Variants in SLC35F4 observed in about 807,000 individuals in gnomAD.
SLC35F4 encodes the protein chromosome 14 open reading frame 36.
SLC35F4 carries 24 observed loss-of-function variants against 44.2 expected under a neutral mutation model. The observed-to-expected ratio is 0.54, with a 90% confidence interval of 0.39 to 0.76. The LOEUF (loss-of-function observed/expected upper bound fraction) is 0.76, where lower values mean the gene tolerates loss of function less well. Ranked by LOEUF, SLC35F4 falls within the 30% of genes least tolerant of loss-of-function variation. The pLI is 0.00. For synonymous variants in SLC35F4, 238 were observed against 223.6 expected (o/e 1.06, Z -0.57); for missense variants, 562 against 586.1 (o/e 0.96, Z 0.42).
chr14:57,811,772 A>C (rs1412946165), intron 1 of SLC35F4, among the ~76,000 whole-genome samples: 5 of 152,188 alleles, frequency 3.3e-5, no homozygotes. Flanking sequence ...TTTAAATAAT[A>C]AGTTTGAGAC....
At chr14:57,770,889 A>G (rs2077348017) in intron 1 of SLC35F4, among the ~76,000 whole-genome samples, 1 of 152,170 alleles carries the variant, frequency 6.6e-6, no homozygotes, top group South Asian at 2.1e-4. Context: ...CCAAAACCCT[A>G]TTTGGTCCTG....
intron 1 of SLC35F4, among the ~76,000 whole-genome samples, chr14:57,598,921 G>T (rs2070652385): frequency 6.6e-6 from 1 of 152,084 alleles, no homozygotes; most frequent in South Asian, 2.1e-4. Flanking sequence ...GTGTATAGAA[G>T]GGGTAGTTGC....
chr14:57,580,230 T>C (rs988688419), intron 4 of SLC35F4, among the ~76,000 whole-genome samples: 4 of 152,198 alleles, frequency 2.6e-5, no homozygotes, highest in African/African-American at 9.6e-5. Flanking sequence ...AAGAAAATCT[T>C]TCAGGGTTAA....
chr14:57,957,334 C>T (rs1184925039), intron 1 of SLC35F4, among the ~76,000 whole-genome samples: 8 of 151,782 alleles, frequency 5.3e-5, no homozygotes, highest in East Asian at 3.9e-4. Flanking sequence ...AAATACCTAA[C>T]GTAGGTGACA....
chr14:57,898,502 A>G (rs1016885970), intron 1 of SLC35F4, among the ~76,000 whole-genome samples: 2 of 152,236 alleles, frequency 1.3e-5, no homozygotes, highest in African/African-American at 4.8e-5. Flanking sequence ...TTACTTGGAC[A>G]AAAACTAGAA....
At chr14:57,831,881 T>C (rs1352746740) in intron 1 of SLC35F4, among the ~76,000 whole-genome samples, 2 of 152,150 alleles carry the variant, frequency 1.3e-5, no homozygotes, top group East Asian at 1.9e-4. Flanking sequence ...ATGCAGGAAA[T>C]AGTCATGAAT....
chr14:57,596,955 C>G (rs922754724), intron 1 of SLC35F4: 19 of 1,225,610 alleles, frequency 1.6e-5, no homozygotes, highest in Non-Finnish European at 2.0e-5. Flanking sequence ...CAAGCCAGAC[C>G]TGGAGACGTA....
chr14:57,709,659 C>T (rs1264491706), intron 1 of SLC35F4, among the ~76,000 whole-genome samples: 3 of 152,070 alleles, frequency 2.0e-5, no homozygotes, highest in East Asian at 1.9e-4. Flanking sequence ...AAGAGACTGG[C>T]AACATTTTGC....
chr14:57,695,066 C>A, intron 1 of SLC35F4, among the ~76,000 whole-genome samples: 2 of 151,882 alleles, frequency 1.3e-5, no homozygotes, highest in Non-Finnish European at 2.9e-5. Context: ...CCATAAAAAC[C>A]CTAGAAGAAA....
chr14:57,688,090 G>C (rs2075119377), intron 1 of SLC35F4, among the ~76,000 whole-genome samples: 1 of 152,074 alleles, frequency 6.6e-6, no homozygotes, highest in Non-Finnish European at 1.5e-5. Context: ...GAATTAATTA[G>C]TGTGGAGTAA....
chr14:57,800,030 C>T (rs546498493), intron 1 of SLC35F4, among the ~76,000 whole-genome samples: 1 of 152,278 alleles, frequency 6.6e-6, no homozygotes, highest in African/African-American at 2.4e-5. Flanking sequence ...TTCTTTAAGC[C>T]GGACCCCAAT....
intron 1 of SLC35F4, among the ~76,000 whole-genome samples, chr14:57,731,567 C>T (rs1350064746): frequency 1.3e-5 from 2 of 152,164 alleles, no homozygotes; most frequent in African/African-American, 4.8e-5. Context: ...AGCAGCAGAT[C>T]CAGGCAAGAT....
intron 3 of SLC35F4, among the ~76,000 whole-genome samples, chr14:57,584,989 A>C (rs759106523): frequency 6.6e-6 from 1 of 152,214 alleles, no homozygotes; most frequent in Non-Finnish European, 1.5e-5. Flanking sequence ...ATGCAAGATC[A>C]TGTCTATTTG....
At chr14:57,719,147 G>A (rs1484785247) in intron 1 of SLC35F4, among the ~76,000 whole-genome samples, 1 of 152,130 alleles carries the variant, frequency 6.6e-6, no homozygotes, top group Admixed American at 6.5e-5. Flanking sequence ...GTTCACTGTA[G>A]ATGTGTGGCT....
At chr14:57,677,855 C>T (rs1275165738) in intron 1 of SLC35F4, among the ~76,000 whole-genome samples, 2 of 151,438 alleles carry the variant, frequency 1.3e-5, no homozygotes, top group Non-Finnish European at 2.9e-5. Flanking sequence ...CATGAACAGG[C>T]AATTCACAAA....
chr14:57,769,845 G>T (rs1330159421), intron 1 of SLC35F4, among the ~76,000 whole-genome samples: 2 of 152,166 alleles, frequency 1.3e-5, no homozygotes, highest in Non-Finnish European at 1.5e-5. Flanking sequence ...TATAAGACCT[G>T]ATATAAGGGT....
rs965095409 is a variant in SLC35F4, at chr14:57,563,928, A to G, written c.*207T>C. The G allele has an allele frequency of 6.9e-6, 4 of 583,754 alleles. No individual in the cohort carries two copies. Among genetic ancestry groups the G allele is most frequent in the African/African-American group, 5.7e-5 (3 of 53,072 alleles). 36.2% of individuals were successfully genotyped at this position (583,754 alleles called of 1,614,324 possible). A position where few individuals can be genotyped will look rare whatever the true frequency, so the allele number is the denominator to read the frequency against. On this transcript the variant is annotated 3_prime_UTR_variant, in exon 8 of 8. Transcript: ENST00000556826. ...AAAAATCAGAAAACAGAACAAGGACAAATGTGTTTTAATAAAAAAATCCAT... is the reference window on the plus strand; with the variant it reads ...AAAAATCAGAAAACAGAACAAGGACGAATGTGTTTTAATAAAAAAATCCAT...
intron 1 of SLC35F4, among the ~76,000 whole-genome samples, chr14:57,605,873 T>C (rs972452247): frequency 7.2e-5 from 11 of 152,002 alleles, no homozygotes; most frequent in African/African-American, 2.4e-4. Flanking sequence ...AAAAACCAAA[T>C]ACCACATGTT....
At chr14:57,829,759 G>A (rs948115041) in intron 1 of SLC35F4, among the ~76,000 whole-genome samples, 4 of 152,172 alleles carry the variant, frequency 2.6e-5, no homozygotes, top group Admixed American at 6.6e-5. Context: ...GGTTGTGTGT[G>A]ATTCTGAGTC....
Sources: gnomAD v4.1 joint callset for allele counts (sites outside exome capture counted in the v4.1 genomes callset) on GRCh38, gnomAD v4.1.1 for gene constraint, MANE v1.5 for transcripts, NCBI Gene and HGNC (gene_info 2026-07-23, HGNC 2026-07-21) for gene names.